Variants in CPNE2 observed in about 807,000 individuals in gnomAD.
CPNE2 encodes the protein copine 2.
A neutral mutation model predicts 69.7 loss-of-function variants in CPNE2; 42 were observed. The observed-to-expected ratio is 0.60, with a 90% CI of 0.47 to 0.78. CPNE2 has a LOEUF of 0.78. CPNE2 is among the 30% of genes least tolerant of loss of function. CPNE2 has a pLI of 0.00. For synonymous variants in CPNE2, 294 were observed against 289.8 expected (o/e 1.01, Z -0.15); for missense variants, 587 against 732.0 (o/e 0.80, Z 2.29).
chr16:57,101,819 CTG>C (rs1371988638), intron 1 of CPNE2, among the ~76,000 whole-genome samples: 4 of 152,238 alleles, frequency 2.6e-5, no homozygotes, highest in African/African-American at 9.6e-5. Context: ...CTCAGCTAAC[CTG>C]TGATTTGTGT....
chr16:57,102,949 T>C (rs1278043792), intron 1 of CPNE2, among the ~76,000 whole-genome samples: 1 of 152,056 alleles, frequency 6.6e-6, no homozygotes, highest in East Asian at 1.9e-4. Context: ...CTGTTAACTT[T>C]ACACATCCCC....
At chr16:57,117,244 C>G (rs920051800) in intron 4 of CPNE2, among the ~76,000 whole-genome samples, 5 of 152,182 alleles carry the variant, frequency 3.3e-5, no homozygotes, top group African/African-American at 1.2e-4. Context: ...CTCTGCCCAC[C>G]ACCCCATGGG....
At chr16:57,115,889 C>G (rs1205224214) in intron 4 of CPNE2, among the ~76,000 whole-genome samples, 3 of 152,258 alleles carry the variant, frequency 2.0e-5, no homozygotes, top group Non-Finnish European at 4.4e-5. Context: ...CGCAACGACT[C>G]CCGCGATGCG....
Position 57,147,826 on chromosome 16 carries a change from T to A in CPNE2, c.*168T>A, listed in dbSNP as rs1338165214. On this transcript the variant is annotated 3_prime_UTR_variant, in exon 16 of 16. Coordinates refer to ENST00000290776, the MANE Select transcript of CPNE2 (RefSeq NM_152727.6). Reference sequence around the variant, plus strand: ...TCCTCCAGCCCAGCTGGGCTTCCTTTGTTGGAGTCAACTGTTGATGCTTCC... The same window carrying A: ...TCCTCCAGCCCAGCTGGGCTTCCTTAGTTGGAGTCAACTGTTGATGCTTCC... 44 of 450,772 alleles carry A rather than the reference T, an allele frequency of 9.8e-5. No individual in the cohort carries two copies. The Middle Eastern group carries it at 1.7e-3, about 17-fold the overall frequency. The allele number at this position is 450,772 out of a possible 1,614,324, so 27.9% of individuals were successfully genotyped here. A position where few individuals can be genotyped will look rare whatever the true frequency, so the allele number is the denominator to read the frequency against.
chr16:57,146,705 A>G lies in CPNE2; in HGVS notation c.1539+384A>G. ...TCATCACGCCCCAGCAAGCCCCCTC[A>G]TTTTGTAGACGGAAAACAAGGCCTC... On this transcript the variant is annotated intron_variant, in intron 15 of 15. Transcript: ENST00000290776. The surrounding 1 kb of genome is among the most constrained non-coding windows in gnomAD (Gnocchi z 4.4). 1 of 193,404 alleles carries G rather than the reference A, an allele frequency of 5.2e-6. No homozygotes were observed. The highest frequency in any genetic ancestry group is 9.8e-5 in the South Asian group (1 of 10,256). The allele number at this position is 193,404 out of a possible 1,614,324, so 12.0% of individuals were successfully genotyped here. A position where few individuals can be genotyped will look rare whatever the true frequency, so the allele number is the denominator to read the frequency against.
At chr16:57,139,798 T>C (rs888376831) in intron 14 of CPNE2, among the ~76,000 whole-genome samples, 1 of 149,786 alleles carries the variant, frequency 6.7e-6, no homozygotes, top group African/African-American at 2.5e-5. Context: ...GAGTGGCGGG[T>C]GCCAGGGTTT....
intron 15 of CPNE2, 183 bp from the exon 16 acceptor site, chr16:57,147,368 A>G (rs1216713994): frequency 1.4e-5 from 6 of 415,752 alleles, no homozygotes; most frequent in Non-Finnish European, 2.1e-5. Context: ...ATCAGGGGGA[A>G]TTTCAGGCCT....
chr16:57,102,273 C>T (rs1460599539), intron 1 of CPNE2, among the ~76,000 whole-genome samples: 8 of 152,116 alleles, frequency 5.3e-5, no homozygotes, highest in Non-Finnish European at 1.0e-4. Flanking sequence ...TAGCAGGCTC[C>T]GGGGAGATGC....
At chr16:57,124,414 G>C (rs570375441) in intron 10 of CPNE2, 5 of 455,664 alleles carry the variant, frequency 1.1e-5, no homozygotes, top group Non-Finnish European at 2.2e-5. Flanking sequence ...GGCACTTGCC[G>C]CCCCGAGATT....
chr16:57,123,707 G>A (rs1416495470), intron 10 of CPNE2: 1 of 555,068 alleles, frequency 1.8e-6, no homozygotes, highest in Non-Finnish European at 3.2e-6. Context: ...ACAGCTTTCA[G>A]TCTGGTGGCT....
chr16:57,115,080 A>G (rs1446081198), intron 3 of CPNE2, among the ~76,000 whole-genome samples: 1 of 152,026 alleles, frequency 6.6e-6, no homozygotes, highest in African/African-American at 2.4e-5. Flanking sequence ...TCTCAAAAGG[A>G]AAATACATAG....
intron 14 of CPNE2, 121 bp from the exon 15 acceptor site, chr16:57,145,964 G>A: frequency 1.2e-6 from 1 of 804,510 alleles, no homozygotes; most frequent in Non-Finnish European, 2.1e-6. Context: ...GGACTTGGCT[G>A]CAGCTGGGTA....
At chr16:57,147,404 A>T in intron 15 of CPNE2, 147 bp from the exon 16 acceptor site, 1 of 479,962 alleles carries the variant, frequency 2.1e-6, no homozygotes. Flanking sequence ...GAGGGATGCC[A>T]CTTGCAGACA....
At chr16:57,136,387 C>T (rs1014110131) in intron 13 of CPNE2, among the ~76,000 whole-genome samples, 1 of 152,212 alleles carries the variant, frequency 6.6e-6, no homozygotes, top group African/African-American at 2.4e-5. Flanking sequence ...ACTGTGCGAA[C>T]GCCTTGATCC....
chr16:57,097,472 T>C (rs760263632), intron 1 of CPNE2, among the ~76,000 whole-genome samples: 3 of 152,218 alleles, frequency 2.0e-5, no homozygotes, highest in Non-Finnish European at 4.4e-5. Flanking sequence ...ATTACATCTG[T>C]GCACAACCCT....
At chr16:57,101,998 G>A (rs1373184314) in intron 1 of CPNE2, among the ~76,000 whole-genome samples, 1 of 151,164 alleles carries the variant, frequency 6.6e-6, no homozygotes, top group Non-Finnish European at 1.5e-5. Flanking sequence ...CCAGCCTGGA[G>A]TGCAGTGGCA....
intron 1 of CPNE2, among the ~76,000 whole-genome samples, chr16:57,097,442 A>G (rs1468961768): frequency 6.6e-6 from 1 of 152,206 alleles, no homozygotes; most frequent in Non-Finnish European, 1.5e-5. Flanking sequence ...TGGAGACCCA[A>G]AGTCCCAAGT....
intron 1 of CPNE2, among the ~76,000 whole-genome samples, chr16:57,099,658 C>G (rs560829393): frequency 6.6e-6 from 1 of 151,032 alleles, no homozygotes. Flanking sequence ...AGTGCAGTGG[C>G]GCGATCTCAG....
chr16:57,118,648 A>AGATGGATG (rs3054318), intron 5 of CPNE2, among the ~76,000 whole-genome samples: 12,523 of 141,632 alleles, frequency 0.088, 585 homozygotes, highest in Middle Eastern at 0.11. Flanking sequence ...GAGACCCCAT[A>AGATGGATG]GATGGATGGA....
Sources: gnomAD v4.1 joint callset for allele counts (sites outside exome capture counted in the v4.1 genomes callset) on GRCh38, gnomAD v4.1.1 for gene constraint, Gnocchi (gnomAD v3.1) non-coding constraint, MANE v1.5 for transcripts, NCBI Gene and HGNC (gene_info 2026-07-23, HGNC 2026-07-21) for gene names.